The following FBN1 variants were observed in gnomAD, a reference collection of about 807,000 sequenced individuals.
The protein encoded by FBN1 is fibrillin-1.
In FBN1, 29 loss-of-function variants were observed where a neutral mutation model predicts 365.1. That is an observed-to-expected ratio of 0.08 (90% confidence interval 0.06 to 0.11). The LOEUF (loss-of-function observed/expected upper bound fraction) is 0.11, where lower values mean the gene tolerates loss of function less well. Ranked by LOEUF, FBN1 falls within the 10% of genes least tolerant of loss-of-function variation. FBN1 has a pLI of 1.00. For missense variants in FBN1, 2,476 were observed against 3,703.2 expected, an observed-to-expected ratio of 0.67 and a Z score of 8.60; for synonymous variants, 1,210 against 1,270.5, an observed-to-expected ratio of 0.95 and a Z score of 1.01.
rs1566909564 is a variant in FBN1, at chr15:48,487,441, CA to C, written c.3338-5del. Reference sequence around the variant, plus strand: ...TCTCTCTGACACTCATCAATATCTGCAAAATGGAAATGACCATGTTAAAGGT... The same window carrying C: ...TCTCTCTGACACTCATCAATATCTGCAAATGGAAATGACCATGTTAAAGGT... On this transcript the variant is annotated splice_polypyrimidine_tract_variant and splice_region_variant and intron_variant, in intron 27 of 65. Coordinates refer to ENST00000316623, the MANE Select transcript of FBN1 (RefSeq NM_000138.5). The C allele has an allele frequency of 6.2e-7, 1 of 1,613,832 alleles. No individual in the cohort carries two copies. The highest frequency in any genetic ancestry group is 2.2e-5 in the East Asian group (1 of 44,874).
chr15:48,630,243 G>A (rs1401880724), intron 2 of FBN1, among the ~76,000 whole-genome samples: 1 of 152,154 alleles, frequency 6.6e-6, no homozygotes, highest in Non-Finnish European at 1.5e-5. Context: ...TGGGGGAAGG[G>A]GTTTTTGTGT....
intron 43 of FBN1, among the ~76,000 whole-genome samples, chr15:48,457,378 T>C (rs1009554438): frequency 2.6e-5 from 4 of 152,144 alleles, no homozygotes; most frequent in African/African-American, 9.7e-5. Flanking sequence ...AACACTGTGT[T>C]ATGGTTCCTT....
Position 48,512,566 on chromosome 15 carries a change from A to G in FBN1, c.1588+983T>C, listed in dbSNP as rs1342957814. ...ATTTAGCTCCCACTTAAAAGTGAGA[A>G]CATGCAGTATTTGGTTTTCTGTTCC... is the stretch of plus-strand genomic sequence containing the variant. On this transcript the variant is annotated intron_variant, in intron 13 of 65. Transcript: ENST00000316623. 3.3e-5 allele frequency among the ~76,000 whole-genome samples: 5 copies of G among 152,306 alleles called. No homozygotes were observed. In the South Asian group the frequency reaches 8.3e-4, roughly 25 times the overall value.
chr15:48,515,486 G>T lies in FBN1; in HGVS notation c.1369C>A (p.Arg457Ser). The change falls in exon 12 of 66, where the codon CGC becomes AGC. Residue 457 changes from arginine (R) to serine (S), a missense_variant. Transcript: ENST00000316623. ...CAGCGTCCATTTTGACAGAGATAGC[G>T]GACCAACTGGCAGTAATCAGTAACG... ...VNVTDYCQLV[R>S]YLCQNGRCIP... The T allele has an allele frequency of 1.2e-6, 2 of 1,613,950 alleles. No individual in the cohort carries two copies. Among genetic ancestry groups the T allele is most frequent in the East Asian group, 2.2e-5 (1 of 44,880 alleles).
At chr15:48,434,969 G>C (rs1448053231) in intron 53 of FBN1, among the ~76,000 whole-genome samples, 1 of 152,126 alleles carries the variant, frequency 6.6e-6, no homozygotes, top group Non-Finnish European at 1.5e-5. Context: ...GGTAATTTTT[G>C]TATTTTTAGT....
At chr15:48,528,758 C>T (rs1349115652) in intron 8 of FBN1, among the ~76,000 whole-genome samples, 1 of 152,252 alleles carries the variant, frequency 6.6e-6, no homozygotes, top group East Asian at 1.9e-4. Flanking sequence ...AGAGCTTAAA[C>T]GACTTCAAAT....
At chr15:48,540,634 G>A (rs1365196488) in intron 6 of FBN1, among the ~76,000 whole-genome samples, 1 of 152,050 alleles carries the variant, frequency 6.6e-6, no homozygotes, top group Non-Finnish European at 1.5e-5. Context: ...CAGTCATCAA[G>A]ATTTTTATGA....
chr15:48,579,110 A>G (rs936910842), intron 6 of FBN1, among the ~76,000 whole-genome samples: 3 of 152,098 alleles, frequency 2.0e-5, no homozygotes, highest in African/African-American at 7.2e-5. Context: ...CAAAGTGGTA[A>G]GCACAGCTTT....
At chr15:48,597,124 T>A (rs540943549) in intron 5 of FBN1, among the ~76,000 whole-genome samples, 1 of 152,290 alleles carries the variant, frequency 6.6e-6, no homozygotes, top group East Asian at 1.9e-4. Flanking sequence ...CCAGCTGAAA[T>A]CTTACTGCTC....
intron 2 of FBN1, among the ~76,000 whole-genome samples, chr15:48,626,121 T>C (rs918781318): frequency 1.3e-5 from 2 of 151,984 alleles, no homozygotes; most frequent in Admixed American, 1.3e-4. Flanking sequence ...GCCAAGATGG[T>C]GGCATGCACC....
chr15:48,442,469 C>T (rs2043123594), intron 49 of FBN1, among the ~76,000 whole-genome samples: 1 of 152,152 alleles, frequency 6.6e-6, no homozygotes, highest in African/African-American at 2.4e-5. Flanking sequence ...CACAAAAATA[C>T]CTTTCTTGTA....
At chr15:48,448,924 T>A in intron 45 of FBN1, 31 bp from the exon 46 acceptor site, 1 of 1,586,320 alleles carries the variant, frequency 6.3e-7, no homozygotes, top group Non-Finnish European at 8.6e-7. Context: ...AAGTGAGAAC[T>A]TAGAAGACAA....
intron 6 of FBN1, among the ~76,000 whole-genome samples, chr15:48,580,817 A>C (rs2044385600): frequency 6.6e-6 from 1 of 152,228 alleles, no homozygotes; most frequent in South Asian, 2.1e-4. Flanking sequence ...GATTAGCTAC[A>C]GTTACTATTC....
chr15:48,437,433 T>C, intron 51 of FBN1, 46 bp from the exon 52 acceptor site: 1 of 1,480,150 alleles, frequency 6.8e-7, no homozygotes, highest in Non-Finnish European at 9.4e-7. Flanking sequence ...AGCAATTCAT[T>C]ACAAGCTTCT....
chr15:48,498,758 C>T (rs1430954389), intron 18 of FBN1, among the ~76,000 whole-genome samples: 1 of 152,042 alleles, frequency 6.6e-6, no homozygotes, highest in South Asian at 2.1e-4. Flanking sequence ...AGCACCTGAC[C>T]CCCTCAGTGG....
At chr15:48,634,701 C>A (rs1300884858) in intron 2 of FBN1, among the ~76,000 whole-genome samples, 1 of 151,852 alleles carries the variant, frequency 6.6e-6, no homozygotes, top group African/African-American at 2.4e-5. Context: ...TTCCTATCCT[C>A]CCTATTTTAT....
chr15:48,452,282 G>T (rs1197162242), intron 45 of FBN1, among the ~76,000 whole-genome samples: 1 of 152,152 alleles, frequency 6.6e-6, no homozygotes, highest in East Asian at 1.9e-4. Flanking sequence ...GTGAGTGTTT[G>T]CAGGCAGGGC....
chr15:48,620,733 T>G (rs1043639542), intron 2 of FBN1, among the ~76,000 whole-genome samples: 27 of 152,194 alleles, frequency 1.8e-4, no homozygotes, highest in African/African-American at 6.3e-4. Context: ...TCAGCAATAT[T>G]TAATGAGAGC....
Position 48,425,732 on chromosome 15 carries a change from C to T in FBN1, c.7330+7G>A, listed in dbSNP as rs765544479. On this transcript the variant is annotated splice_region_variant and intron_variant, in intron 59 of 65. Coordinates refer to ENST00000316623, the MANE Select transcript of FBN1 (RefSeq NM_000138.5). ...TTGAGGATAAGCCATCAGAAATAGA[C>T]ACTTACCTACACAGGAAGTCCCAGT... is the stretch of plus-strand genomic sequence containing the variant. 7 of 1,612,496 alleles carry T rather than the reference C, an allele frequency of 4.3e-6. No homozygotes were observed. The highest frequency in any genetic ancestry group is 3.3e-5 in the Admixed American group (2 of 59,982).
Sources: gnomAD v4.1 joint callset for allele counts (sites outside exome capture counted in the v4.1 genomes callset) on GRCh38, gnomAD v4.1.1 for gene constraint, MANE v1.5 for transcripts, NCBI Gene and HGNC (gene_info 2026-07-23, HGNC 2026-07-21) for gene names.